DPP6: variants seen among roughly 807,000 people sequenced by gnomAD.
DPP6 encodes the protein A-type potassium channel modulatory protein DPP6.
In DPP6, 69 loss-of-function variants were observed where a neutral mutation model predicts 122.6. The ratio of observed to expected loss-of-function variants is 0.56; its 90% CI spans 0.46 to 0.69. The LOEUF is 0.69. Among genes scored for constraint, DPP6 ranks in the 30% least tolerant of loss-of-function variants. DPP6 has a pLI of 0.00. For synonymous variants in DPP6, 418 were observed against 433.1 expected (o/e 0.97, Z 0.43); for missense variants, 928 against 1,116.9 (o/e 0.83, Z 2.41).
At chr7:154,518,768 C>T (rs1826736723) in intron 3 of DPP6, among the ~76,000 whole-genome samples, 6 of 152,178 alleles carry the variant, frequency 3.9e-5, no homozygotes, top group African/African-American at 1.4e-4. Flanking sequence ...TCATACTTAG[C>T]AGGACCTAAT....
the DPP6 span, among the ~76,000 whole-genome samples, chr7:153,836,060 T>G: frequency 6.6e-6 from 1 of 152,162 alleles, no homozygotes; most frequent in Non-Finnish European, 1.5e-5. Flanking sequence ...TAAACATCAT[T>G]TAGTCTTCCT....
At chr7:153,799,994 C>T in the DPP6 span, among the ~76,000 whole-genome samples, 4 of 152,140 alleles carry the variant, frequency 2.6e-5, no homozygotes, top group African/African-American at 4.8e-5. Context: ...ACAGCACAGC[C>T]ACTGTGGACA....
intron 1 of DPP6, among the ~76,000 whole-genome samples, chr7:154,242,885 A>AT (rs1030750217): frequency 1.4e-4 from 21 of 152,346 alleles, no homozygotes; most frequent in African/African-American, 5.1e-4. Context: ...CTGGGAATGA[A>AT]TGAAGGCATT....
chr7:154,328,807 G>T (rs1808666720), intron 1 of DPP6, among the ~76,000 whole-genome samples: 1 of 152,134 alleles, frequency 6.6e-6, no homozygotes. Flanking sequence ...AGAGAAGCCG[G>T]TGGTCACACT....
At chr7:154,731,260 G>A (rs1483120960) in intron 8 of DPP6, among the ~76,000 whole-genome samples, 1 of 152,228 alleles carries the variant, frequency 6.6e-6, no homozygotes, top group Non-Finnish European at 1.5e-5. Context: ...CATTTGCTTG[G>A]AGATGTTAGT....
At chr7:154,537,985 G>A (rs1828400353) in intron 3 of DPP6, among the ~76,000 whole-genome samples, 1 of 151,730 alleles carries the variant, frequency 6.6e-6, no homozygotes, top group African/African-American at 2.4e-5. Context: ...TCAGAAATAT[G>A]ATATAATATA....
chr7:154,593,150 A>T (rs1349287667), intron 5 of DPP6, among the ~76,000 whole-genome samples: 1 of 152,180 alleles, frequency 6.6e-6, no homozygotes, highest in Non-Finnish European at 1.5e-5. Context: ...ACAGGTGTTC[A>T]TCACATTCAT....
chr7:154,516,367 C>T (rs1260633912), intron 3 of DPP6, among the ~76,000 whole-genome samples: 2 of 152,100 alleles, frequency 1.3e-5, no homozygotes, highest in Admixed American at 6.5e-5. Flanking sequence ...CATGCTTAGC[C>T]ACGCAGGAAG....
chr7:153,901,369 G>A (rs1436916820), intron 1 of DPP6, among the ~76,000 whole-genome samples: 2 of 152,182 alleles, frequency 1.3e-5, no homozygotes, highest in African/African-American at 4.8e-5. Context: ...ATGAAGAAGA[G>A]CTGAAAAGTC....
At position 154,140,929 on chromosome 7, in the gene DPP6, A is replaced by T. The variant is rs143819492; in HGVS notation, c.243+87866A>T. ...AAATTATGGATTGACCCCGCTAAGTAATCTCCGAAGTCTTTTCTATGTAGA... is the reference window on the plus strand; with the variant it reads ...AAATTATGGATTGACCCCGCTAAGTTATCTCCGAAGTCTTTTCTATGTAGA... On this transcript the variant is annotated intron_variant, in intron 1 of 25. Transcript: ENST00000377770. Among the ~76,000 whole-genome samples the T allele has an allele frequency of 5.0e-3, 758 of 152,312 alleles. 6 individuals carry two copies. Among genetic ancestry groups the T allele is most frequent in the African/African-American group, 0.017 (726 of 41,562 alleles).
At chr7:153,920,563 CTTTTTT>C (rs61553100) in intron 1 of DPP6, among the ~76,000 whole-genome samples, 1 of 88,690 alleles carries the variant, frequency 1.1e-5, no homozygotes, top group Admixed American at 1.6e-4. Context: ...TTATCTCTCT[CTTTTTT>C]TTTTTTTTTT....
At chr7:153,771,150 C>T in the DPP6 span, among the ~76,000 whole-genome samples, 1 of 151,954 alleles carries the variant, frequency 6.6e-6, no homozygotes, top group African/African-American at 2.4e-5. Flanking sequence ...TAAATAAATG[C>T]CAATATAAGT....
chr7:154,463,552 A>G (rs1220984667), intron 2 of DPP6, among the ~76,000 whole-genome samples: 1 of 151,992 alleles, frequency 6.6e-6, no homozygotes, highest in African/African-American at 2.4e-5. Context: ...CTGTAGCCCC[A>G]CAGCTGGGAA....
chr7:153,753,101 A>G, the DPP6 span, among the ~76,000 whole-genome samples: 1 of 151,706 alleles, frequency 6.6e-6, no homozygotes, highest in Non-Finnish European at 1.5e-5. Context: ...CTGATGTTGT[A>G]ATTGTTTATA....
At chr7:153,890,777 T>C (rs1328383301) in intron 1 of DPP6, among the ~76,000 whole-genome samples, 2 of 123,742 alleles carry the variant, frequency 1.6e-5, no homozygotes, top group African/African-American at 6.3e-5. Flanking sequence ...AGTTCACTCC[T>C]CCCCCAGGGT....
intron 1 of DPP6, among the ~76,000 whole-genome samples, chr7:154,419,426 G>C (rs78716097): frequency 6.6e-6 from 1 of 152,162 alleles, no homozygotes; most frequent in Admixed American, 6.5e-5. Flanking sequence ...ATATGTTTGC[G>C]TTTTCCATCT....
intron 8 of DPP6, among the ~76,000 whole-genome samples, chr7:154,749,010 G>A (rs1016192851): frequency 1.3e-5 from 2 of 151,120 alleles, no homozygotes; most frequent in East Asian, 3.9e-4. Flanking sequence ...GGGAGGATAG[G>A]ACGGGACAGG....
chr7:153,864,348 T>C, the DPP6 span, among the ~76,000 whole-genome samples: 1 of 152,104 alleles, frequency 6.6e-6, no homozygotes, highest in East Asian at 1.9e-4. Flanking sequence ...GAGTCAAACT[T>C]ACGTTTTAAA....
chr7:154,713,315 G>A (rs1841304057), intron 7 of DPP6, among the ~76,000 whole-genome samples: 1 of 152,150 alleles, frequency 6.6e-6, no homozygotes. Context: ...TACCATTCTG[G>A]GATCTGAAGG....
Sources: allele counts gnomAD v4.1 joint callset (sites outside exome capture counted in the v4.1 genomes callset), GRCh38; gene constraint gnomAD v4.1.1; transcripts MANE v1.5; gene names NCBI Gene and HGNC (gene_info 2026-07-23, HGNC 2026-07-21).